Variants in SCAI observed in about 807,000 individuals in gnomAD.
SCAI encodes the protein suppressor of cancer cell invasion.
Under a neutral mutation model 92.2 loss-of-function variants are expected in SCAI, and 24 were observed. The ratio of observed to expected loss-of-function variants is 0.26; its 90% CI spans 0.19 to 0.37. SCAI has a LOEUF of 0.37. SCAI is among the 10% of genes least tolerant of loss of function. SCAI has a pLI of 1.00. For synonymous variants in SCAI, 261 were observed against 258.6 expected (o/e 1.01, Z -0.09); for missense variants, 450 against 736.2 (o/e 0.61, Z 4.50).
At chr9:125,061,990 A>G (rs182090341) in intron 2 of SCAI, among the ~76,000 whole-genome samples, 1 of 152,258 alleles carries the variant, frequency 6.6e-6, no homozygotes, top group East Asian at 1.9e-4. Flanking sequence ...TTACAGAAGA[A>G]TGGAAAAAAT....
chr9:124,944,948 C>T lies in SCAI; in HGVS notation c.*7859G>A, dbSNP rs888546864. 4 of 152,166 alleles carry T rather than the reference C, an allele frequency of 2.6e-5. No homozygotes were observed. Among genetic ancestry groups the T allele is most frequent in the Admixed American group, 1.3e-4 (2 of 15,280 alleles). The allele number at this position is 152,166 out of a possible 1,614,324, so 9.4% of individuals were successfully genotyped here. On this transcript the variant is annotated 3_prime_UTR_variant, in exon 18 of 18. Coordinates refer to ENST00000336505, the MANE Select transcript of SCAI (RefSeq NM_001144877.3). ...CCCTATAAGAAGGCTAGCCATAATT[C>T]CCTATTTCATTCTGAAAGTGATATC...
intron 3 of SCAI, among the ~76,000 whole-genome samples, chr9:125,040,452 A>C (rs1833296291): frequency 6.6e-6 from 1 of 152,224 alleles, no homozygotes; most frequent in South Asian, 2.1e-4. Context: ...AATGGGATAA[A>C]ACTACATATA....
intron 9 of SCAI, among the ~76,000 whole-genome samples, chr9:125,004,773 ATATATAT>A (rs1832463636): frequency 1.0e-4 from 1 of 9,756 alleles, no homozygotes; most frequent in Non-Finnish European, 1.9e-4. Context: ...ATATATATAT[ATATATAT>A]TTTTTTTTTT....
At position 125,027,197 on chromosome 9, in the gene SCAI, C is replaced by CGAA. The variant is rs372202227; in HGVS notation, c.414-288_414-287insTTC. On this transcript the variant is annotated intron_variant, in intron 5 of 17. Transcript: ENST00000336505. ...TGAAGGGACTCTCCAAACAGCATTC[C>CGAA]ATCCAGTGAAATCCTCTCCCAGGAC... is the stretch of plus-strand genomic sequence containing the variant. 2.0e-3 allele frequency among the ~76,000 whole-genome samples: 300 copies of CGAA among 152,294 alleles called. 1 individual carries two copies. The highest frequency in any genetic ancestry group is 6.9e-3 in the African/African-American group (287 of 41,548).
chr9:125,039,091 G>C (rs1833261469), intron 3 of SCAI, among the ~76,000 whole-genome samples: 1 of 152,026 alleles, frequency 6.6e-6, no homozygotes, highest in Non-Finnish European at 1.5e-5. Flanking sequence ...TTAATTTTTA[G>C]AAGTAGCAAT....
At chr9:125,053,525 A>G (rs918522447) in intron 3 of SCAI, among the ~76,000 whole-genome samples, 6 of 152,208 alleles carry the variant, frequency 3.9e-5, no homozygotes, top group African/African-American at 1.2e-4. Flanking sequence ...AACCTCAAAA[A>G]CATTATGTTA....
At chr9:125,110,603 G>A (rs559427511) in intron 2 of SCAI, among the ~76,000 whole-genome samples, 3 of 152,282 alleles carry the variant, frequency 2.0e-5, no homozygotes, top group Non-Finnish European at 2.9e-5. Context: ...GTTCTCGTGA[G>A]ATCTGGTTGC....
At chr9:125,029,950 C>T (rs1335580375) in intron 3 of SCAI, among the ~76,000 whole-genome samples, 2 of 152,100 alleles carry the variant, frequency 1.3e-5, no homozygotes, top group African/African-American at 2.4e-5. Context: ...TCTGACAGGT[C>T]GTTCTTAGTG....
At chr9:124,981,293 G>A (rs756453742) in intron 14 of SCAI, among the ~76,000 whole-genome samples, 8 of 152,032 alleles carry the variant, frequency 5.3e-5, no homozygotes, top group African/African-American at 1.4e-4. Context: ...AAATCATACC[G>A]TCTGCAACTA....
At chr9:125,037,023 C>T (rs1479913715) in intron 3 of SCAI, among the ~76,000 whole-genome samples, 1 of 152,144 alleles carries the variant, frequency 6.6e-6, no homozygotes, top group Admixed American at 6.6e-5. Flanking sequence ...AATCCCAGCA[C>T]TTTGGGAGGC....
intron 3 of SCAI, among the ~76,000 whole-genome samples, chr9:125,030,624 G>C (rs759214738): frequency 1.3e-5 from 2 of 152,162 alleles, no homozygotes; most frequent in Non-Finnish European, 2.9e-5. Flanking sequence ...CTGCAATTGC[G>C]ACTGAGTAGC....
intron 3 of SCAI, among the ~76,000 whole-genome samples, chr9:125,033,551 G>A (rs1315670386): frequency 6.6e-6 from 1 of 152,090 alleles, no homozygotes; most frequent in South Asian, 2.1e-4. Context: ...AAGTCTTTCT[G>A]GTCTTTCTAT....
chr9:124,963,655 C>A (rs1194729610), intron 17 of SCAI, among the ~76,000 whole-genome samples: 1 of 142,906 alleles, frequency 7.0e-6, no homozygotes, highest in Non-Finnish European at 1.5e-5. Flanking sequence ...GATGCTGAGG[C>A]AGAATAATCT....
Position 125,004,364 on chromosome 9 carries a change from T to G in SCAI, c.862-794A>C, listed in dbSNP as rs370305880. 3.2e-4 allele frequency among the ~76,000 whole-genome samples: 48 copies of G among 150,820 alleles called. No homozygotes were observed. The East Asian group carries it at 9.0e-3, about 28-fold the overall frequency. On this transcript the variant is annotated intron_variant, in intron 9 of 17. Coordinates refer to ENST00000336505, the MANE Select transcript of SCAI (RefSeq NM_001144877.3). ...TTTTTTTTGAGACAGAGTCTTGCTCTGTTGCCCAGGCTGGAGTGCAGTGGC... is the reference window on the plus strand; with the variant it reads ...TTTTTTTTGAGACAGAGTCTTGCTCGGTTGCCCAGGCTGGAGTGCAGTGGC...
intron 3 of SCAI, among the ~76,000 whole-genome samples, chr9:125,038,213 C>A (rs1342267273): frequency 6.6e-6 from 1 of 152,006 alleles, no homozygotes; most frequent in South Asian, 2.1e-4. Context: ...GCCAAGATTG[C>A]GCCACTGCAG....
chr9:124,962,169 T>TGG (rs1564358532), intron 17 of SCAI, among the ~76,000 whole-genome samples: 1 of 115,246 alleles, frequency 8.7e-6, no homozygotes, highest in African/African-American at 3.3e-5. Flanking sequence ...TTTTTTTTTT[T>TGG]TGCGGGGGGG....
At chr9:125,125,838 A>AG (rs1835254323) in intron 2 of SCAI, among the ~76,000 whole-genome samples, 2 of 151,626 alleles carry the variant, frequency 1.3e-5, no homozygotes, top group Admixed American at 1.3e-4. Context: ...TCTCAAAAAA[A>AG]AAAAAAAAAA....
intron 1 of SCAI, 39 bp from the exon 2 acceptor site, chr9:125,142,716 A>G (rs1835697219): frequency 4.4e-6 from 7 of 1,579,720 alleles, no homozygotes; most frequent in Non-Finnish European, 6.1e-6. Flanking sequence ...TAAAAGTAAC[A>G]TACAAGAAAA....
intron 2 of SCAI, among the ~76,000 whole-genome samples, chr9:125,111,592 T>C (rs550546174): frequency 6.6e-6 from 1 of 152,120 alleles, no homozygotes; most frequent in South Asian, 2.1e-4. Context: ...CAGCTATCAT[T>C]AGTGTTAGTG....
Sources: gnomAD v4.1 joint callset for allele counts (sites outside exome capture counted in the v4.1 genomes callset) on GRCh38, gnomAD v4.1.1 for gene constraint, MANE v1.5 for transcripts, NCBI Gene and HGNC (gene_info 2026-07-23, HGNC 2026-07-21) for gene names.